The following DNAI4 variants were observed in gnomAD, a reference collection of about 807,000 sequenced individuals.
The protein encoded by DNAI4 is dynein axonemal intermediate chain 4.
A neutral mutation model predicts 105.8 loss-of-function variants in DNAI4; 85 were observed. The observed-to-expected ratio is 0.80, with a 90% CI of 0.67 to 0.96. The LOEUF is 0.96. Among genes scored for constraint, DNAI4 ranks in the 40% least tolerant of loss-of-function variants. The pLI, the probability that DNAI4 is intolerant of heterozygous loss-of-function variation, is 0.00. For missense variants in DNAI4, 1,014 were observed against 1,005.6 expected, an observed-to-expected ratio of 1.01 and a Z score of -0.11; for synonymous variants, 352 against 331.5, an observed-to-expected ratio of 1.06 and a Z score of -0.67.
At chr1:66,859,599 A>C (rs1009454475) in intron 7 of DNAI4, among the ~76,000 whole-genome samples, 1 of 152,224 alleles carries the variant, frequency 6.6e-6, no homozygotes, top group African/African-American at 2.4e-5. Flanking sequence ...CACTCATCCA[A>C]TGGAATATTA....
chr1:66,904,534 T>C (rs1279971805), intron 2 of DNAI4, among the ~76,000 whole-genome samples: 1 of 152,180 alleles, frequency 6.6e-6, no homozygotes, highest in Non-Finnish European at 1.5e-5. Flanking sequence ...AATTGGGTTG[T>C]CTCAATATTG....
intron 4 of DNAI4, among the ~76,000 whole-genome samples, chr1:66,889,595 T>C (rs923203109): frequency 6.6e-6 from 1 of 152,108 alleles, no homozygotes; most frequent in African/African-American, 2.4e-5. Flanking sequence ...TCCCCCAACA[T>C]CAGAAAGAAA....
chr1:66,818,965 C>T (rs1377915482), intron 16 of DNAI4, among the ~76,000 whole-genome samples: 4 of 152,048 alleles, frequency 2.6e-5, no homozygotes, highest in Non-Finnish European at 5.9e-5. Flanking sequence ...TTGATACTTC[C>T]TTATACATGT....
intron 7 of DNAI4, among the ~76,000 whole-genome samples, chr1:66,857,212 C>G (rs1194323409): frequency 6.6e-6 from 1 of 151,516 alleles, no homozygotes; most frequent in Admixed American, 6.6e-5. Flanking sequence ...TGGAAACCAT[C>G]ATTCACAGCA....
Position 66,866,440 on chromosome 1 carries a change from T to C in DNAI4, c.941-4138A>G, listed in dbSNP as rs190956872. On this transcript the variant is annotated intron_variant, in intron 6 of 16. Transcript: ENST00000371026. ...ATGTTAGCAAGCATCTAGGTTATGG[T>C]AGTGATCAATATGTCAATCTCAAGT... Among the ~76,000 whole-genome samples, 299 of 152,312 alleles carry C rather than the reference T, an allele frequency of 2.0e-3. 3 individuals carry two copies. The highest frequency in any genetic ancestry group is 6.6e-3 in the African/African-American group (273 of 41,568).
intron 4 of DNAI4, among the ~76,000 whole-genome samples, chr1:66,888,624 C>T (rs756079050): frequency 6.6e-6 from 1 of 152,126 alleles, no homozygotes; most frequent in African/African-American, 2.4e-5. Flanking sequence ...ACCCGGGAGG[C>T]GGAGGTTGCA....
chr1:66,872,639 T>C (rs1240904910), intron 5 of DNAI4, among the ~76,000 whole-genome samples: 1 of 152,158 alleles, frequency 6.6e-6, no homozygotes, highest in Non-Finnish European at 1.5e-5. Context: ...CCTCTGTAGG[T>C]GACGTGTTTT....
intron 1 of DNAI4, among the ~76,000 whole-genome samples, chr1:66,911,773 A>G (rs1649674668): frequency 6.6e-6 from 1 of 152,236 alleles, no homozygotes; most frequent in Non-Finnish European, 1.5e-5. Flanking sequence ...GAAGGAGTCA[A>G]GCTGAGAAAT....
At chr1:66,824,625 A>G (rs1645709986) in intron 15 of DNAI4, among the ~76,000 whole-genome samples, 1 of 151,660 alleles carries the variant, frequency 6.6e-6, no homozygotes, top group Non-Finnish European at 1.5e-5. Flanking sequence ...GGTCCTTCAC[A>G]TCCCTTGTAA....
chr1:66,924,475 T>G (rs930928724), intron 1 of DNAI4, among the ~76,000 whole-genome samples, 187 bp downstream of exon 1: 2 of 152,156 alleles, frequency 1.3e-5, no homozygotes, highest in South Asian at 4.1e-4. Flanking sequence ...CCCAGCCCAG[T>G]AGAGATTCTT....
chr1:66,822,577 G>T, intron 15 of DNAI4, 60 bp from the exon 16 acceptor site: 1 of 1,333,616 alleles, frequency 7.5e-7, no homozygotes, highest in Non-Finnish European at 9.8e-7. Context: ...CTTTTAAATA[G>T]ACAAAGAAAA....
chr1:66,853,536 A>C (rs1395455786), intron 7 of DNAI4, among the ~76,000 whole-genome samples: 2 of 152,236 alleles, frequency 1.3e-5, no homozygotes, highest in African/African-American at 2.4e-5. Flanking sequence ...AGTGAATGCC[A>C]AGGCAGCAAC....
intron 7 of DNAI4, among the ~76,000 whole-genome samples, chr1:66,848,609 C>T (rs1646329389): frequency 6.6e-6 from 1 of 152,144 alleles, no homozygotes; most frequent in Non-Finnish European, 1.5e-5. Flanking sequence ...ATTCTTCCTG[C>T]TAAATTCAAC....
chr1:66,836,446 T>C (rs559807400), intron 10 of DNAI4, among the ~76,000 whole-genome samples: 2 of 152,218 alleles, frequency 1.3e-5, no homozygotes, highest in South Asian at 4.1e-4. Context: ...TACCTTCTTA[T>C]GGGAACAAAA....
intron 14 of DNAI4, 146 bp downstream of exon 14, chr1:66,827,666 T>A: frequency 2.5e-6 from 1 of 404,940 alleles, no homozygotes; most frequent in South Asian, 7.7e-5. Flanking sequence ...TTATTGGTGG[T>A]TTCCATAGAA....
At chr1:66,822,339 T>A (rs1191038158) in intron 16 of DNAI4, 22 bp downstream of exon 16, 2 of 1,573,838 alleles carry the variant, frequency 1.3e-6, no homozygotes, top group Non-Finnish European at 1.7e-6. Context: ...ATGACACAAA[T>A]TTTTTTACTC....
At chr1:66,915,533 T>C (rs937209875) in intron 1 of DNAI4, among the ~76,000 whole-genome samples, 1 of 152,178 alleles carries the variant, frequency 6.6e-6, no homozygotes, top group African/African-American at 2.4e-5. Flanking sequence ...TAAATACTTG[T>C]AGACAAACTT....
At chr1:66,887,243 GGTAA>G (rs1350405751) in intron 4 of DNAI4, among the ~76,000 whole-genome samples, 5 of 152,148 alleles carry the variant, frequency 3.3e-5, no homozygotes, top group Non-Finnish European at 7.3e-5. Context: ...TCCAGTTTAT[GGTAA>G]GTAACTCTTG....
chr1:66,869,333 G>T (rs1569665600), intron 6 of DNAI4, among the ~76,000 whole-genome samples: 1 of 151,676 alleles, frequency 6.6e-6, no homozygotes, highest in East Asian at 1.9e-4. Context: ...TGATAATTTT[G>T]AGTTCCATAA....
Sources: allele counts gnomAD v4.1 joint callset (sites outside exome capture counted in the v4.1 genomes callset), GRCh38; gene constraint gnomAD v4.1.1; transcripts MANE v1.5; gene names NCBI Gene and HGNC (gene_info 2026-07-23, HGNC 2026-07-21).